Variants in ALK observed in about 807,000 individuals in gnomAD.
The protein encoded by ALK is ALK receptor tyrosine kinase.
In ALK, 74 loss-of-function variants were observed where a neutral mutation model predicts 163.1. The ratio of observed to expected loss-of-function variants is 0.45; its 90% CI spans 0.38 to 0.55. ALK has a LOEUF of 0.55. Ranked by LOEUF, ALK falls within the 20% of genes least tolerant of loss-of-function variation. The pLI is 0.00. For missense variants in ALK, 2,063 were observed against 2,105.3 expected, an observed-to-expected ratio of 0.98 and a Z score of 0.39; for synonymous variants, 960 against 843.2, an observed-to-expected ratio of 1.14 and a Z score of -2.40.
chr2:29,271,992 G>A (rs1340317258), intron 11 of ALK, among the ~76,000 whole-genome samples: 1 of 152,192 alleles, frequency 6.6e-6, no homozygotes, highest in Non-Finnish European at 1.5e-5. Flanking sequence ...GGATAGAGGG[G>A]TAGGGAGGTT....
intron 3 of ALK, among the ~76,000 whole-genome samples, chr2:29,563,670 A>C (rs1388099907): frequency 6.6e-6 from 1 of 151,980 alleles, no homozygotes; most frequent in Non-Finnish European, 1.5e-5. Context: ...CTGACCCCCA[A>C]CTCTCACCAT....
At chr2:29,280,223 G>C (rs185631154) in intron 9 of ALK, among the ~76,000 whole-genome samples, 3 of 150,370 alleles carry the variant, frequency 2.0e-5, no homozygotes, top group Non-Finnish European at 3.0e-5. Context: ...GGTATATACA[G>C]ATGGACTACT....
intron 14 of ALK, 93 bp downstream of exon 14, chr2:29,233,472 G>T (rs1425232374): frequency 2.6e-6 from 4 of 1,555,314 alleles, no homozygotes; most frequent in Admixed American, 3.3e-5. Context: ...GGGGATAAGA[G>T]CATCTGAGGT....
chr2:29,355,913 C>T (rs963198729), intron 5 of ALK, among the ~76,000 whole-genome samples: 12 of 152,270 alleles, frequency 7.9e-5, no homozygotes, highest in Middle Eastern at 3.4e-3. Flanking sequence ...CAGAGTAGCA[C>T]GCTGGAGCCA....
chr2:29,534,929 G>C (rs969307648), intron 3 of ALK, among the ~76,000 whole-genome samples: 1 of 152,134 alleles, frequency 6.6e-6, no homozygotes, highest in African/African-American at 2.4e-5. Flanking sequence ...ATCAATAAGC[G>C]ACTGAGCTTA....
At chr2:29,759,989 A>C (rs1404352351) in intron 1 of ALK, among the ~76,000 whole-genome samples, 1 of 152,224 alleles carries the variant, frequency 6.6e-6, no homozygotes, top group Non-Finnish European at 1.5e-5. Flanking sequence ...CAAGTATTAC[A>C]GGATTTTTTT....
chr2:29,220,656 T>C (rs1309324424), intron 23 of ALK, 50 bp downstream of exon 23: 1 of 1,611,604 alleles, frequency 6.2e-7, no homozygotes, highest in East Asian at 2.2e-5. Flanking sequence ...CTTCCATCCT[T>C]GCTCCTGTCC....
chr2:29,199,443 A>C (rs907771465), intron 26 of ALK, among the ~76,000 whole-genome samples: 4 of 152,118 alleles, frequency 2.6e-5, no homozygotes, highest in Admixed American at 1.3e-4. Flanking sequence ...TCTTAAATCT[A>C]GTTGGAATTT....
At chr2:29,356,095 C>G (rs953155626) in intron 5 of ALK, among the ~76,000 whole-genome samples, 3 of 152,164 alleles carry the variant, frequency 2.0e-5, no homozygotes, top group South Asian at 2.1e-4. Context: ...GTCCAAGGAG[C>G]CTGCATGGGA....
rs1669827315 is a variant in ALK, at chr2:29,222,395, A to G, written c.3464T>C (p.Val1155Ala). The change falls in exon 22 of 29, where the codon GTG becomes GCG. Residue 1155 changes from valine (V) to alanine (A), a missense_variant. Physicochemically the swap from Val to Ala is moderately conservative, Grantham distance 64. Coordinates refer to ENST00000389048, the MANE Select transcript of ALK (RefSeq NM_004304.5). ...LQVAVKTLPE[V>A]CSEQDELDFL... ...ATCCAGTTCGTCCTGTTCAGAGCAC[A>G]CTTCAGGCAGCGTCTGGGCAGAGAA... The G allele has an allele frequency of 1.9e-6, 3 of 1,614,044 alleles. No homozygotes were observed. Among genetic ancestry groups the G allele is most frequent in the African/African-American group, 1.3e-5 (1 of 74,990 alleles).
Position 29,736,008 on chromosome 2 carries a change from G to A in ALK, c.668-18311C>T, listed in dbSNP as rs184803098. 4.9e-3 allele frequency among the ~76,000 whole-genome samples: 748 copies of A among 152,090 alleles called. 14 individuals are homozygous for A. Among genetic ancestry groups the A allele is most frequent in the Admixed American group, 0.034 (516 of 15,270 alleles). On this transcript the variant is annotated intron_variant, in intron 1 of 28. Transcript: ENST00000389048. ...TTGCGTATAAGAAAACTGAGCCATC[G>A]AAAAGTAACTTGCTCAAGACCCCAA...
chr2:29,526,413 C>T (rs1672961514), intron 4 of ALK, among the ~76,000 whole-genome samples: 1 of 152,172 alleles, frequency 6.6e-6, no homozygotes, highest in African/African-American at 2.4e-5. Context: ...AGAAATATCC[C>T]CCTGACAAGC....
intron 3 of ALK, among the ~76,000 whole-genome samples, chr2:29,583,138 C>T (rs1201172400): frequency 6.6e-6 from 1 of 151,510 alleles, no homozygotes; most frequent in East Asian, 2.0e-4. Context: ...CTCAGCCTCC[C>T]AGAGTGCTGG....
chr2:29,318,569 CTTTTT>C (rs71403658), intron 7 of ALK, among the ~76,000 whole-genome samples, 165 bp from the exon 8 acceptor site: 1 of 142,324 alleles, frequency 7.0e-6, no homozygotes, highest in African/African-American at 2.6e-5. Flanking sequence ...TCAACAATTT[CTTTTT>C]TTTTTTTTTT....
intron 4 of ALK, among the ~76,000 whole-genome samples, chr2:29,495,668 A>G (rs1672005652): frequency 6.6e-6 from 1 of 152,192 alleles, no homozygotes; most frequent in South Asian, 2.1e-4. Context: ...ATTTTGACAG[A>G]GGAGGAAACA....
At chr2:29,503,379 A>G (rs895746444) in intron 4 of ALK, among the ~76,000 whole-genome samples, 62 of 152,336 alleles carry the variant, frequency 4.1e-4, no homozygotes, top group African/African-American at 1.5e-3. Context: ...TTGTTGAACA[A>G]CTAATATGCT....
At chr2:29,658,570 G>C (rs776399257) in intron 3 of ALK, among the ~76,000 whole-genome samples, 10 of 152,152 alleles carry the variant, frequency 6.6e-5, no homozygotes, top group African/African-American at 2.2e-4. Flanking sequence ...TTCAGGGATG[G>C]GAGAGCAAGG....
intron 12 of ALK, among the ~76,000 whole-genome samples, chr2:29,247,617 C>G (rs1224995551): frequency 6.6e-6 from 1 of 152,176 alleles, no homozygotes; most frequent in Non-Finnish European, 1.5e-5. Context: ...GGAGGTGGGC[C>G]CAGGATAAGT....
intron 4 of ALK, among the ~76,000 whole-genome samples, chr2:29,447,883 T>C (rs1024140435): frequency 5.3e-5 from 8 of 152,050 alleles, no homozygotes; most frequent in African/African-American, 1.4e-4. Context: ...ATTTATTGCT[T>C]AATGGGGGTG....
Sources: allele counts gnomAD v4.1 joint callset (sites outside exome capture counted in the v4.1 genomes callset), GRCh38; gene constraint gnomAD v4.1.1; transcripts MANE v1.5; gene names NCBI Gene and HGNC (gene_info 2026-07-23, HGNC 2026-07-21).